Variants in HNRNPM observed in about 807,000 individuals in gnomAD.
HNRNPM encodes heterogeneous nuclear ribonucleoprotein M.
HNRNPM carries 11 observed loss-of-function variants against 73.1 expected under a neutral mutation model. The ratio of observed to expected loss-of-function variants is 0.15; its 90% CI spans 0.09 to 0.25. The LOEUF is 0.25. HNRNPM is among the 10% of genes least tolerant of loss of function. The probability of loss-of-function intolerance (pLI) is 1.00; values close to 1 mark genes in which losing one functional copy is unlikely to be tolerated. For missense variants in HNRNPM, 789 were observed against 1,067.9 expected (o/e 0.74, Z 3.64); for synonymous variants, 407 against 355.2 (o/e 1.15, Z -1.64).
chr19:8,455,700 A>G (rs1599759729), intron 2 of HNRNPM, 126 bp downstream of exon 2: 1 of 640,380 alleles, frequency 1.6e-6, no homozygotes, highest in South Asian at 2.4e-5. Flanking sequence ...CAGGCTTAAG[A>G]GTGAAGCCCC....
Position 8,486,226 on chromosome 19 carries a change from C to T in HNRNPM, c.1798C>T (p.Leu600=). The stretch of plus-strand genomic sequence containing the variant: ...CATGGGCCCTGCCATGGGCCCGGCC[C>T]TGGGCGCTGGCATTGAGCGCATGGG... ...ERMGPAMGPA[L]GAGIERMGLA... is the part of the protein sequence containing the mutation. The change falls in exon 14 of 16, where the codon CTG becomes TTG. Residue 600 remains leucine, a synonymous_variant. Transcript: ENST00000325495. 2 of 1,589,642 alleles carry T rather than the reference C, an allele frequency of 1.3e-6. No individual in the cohort carries two copies. The highest frequency in any genetic ancestry group is 1.7e-6 in the Non-Finnish European group (2 of 1,169,264).
chr19:8,487,995 C>T (rs57390264), intron 15 of HNRNPM: 2,546 of 152,566 alleles, frequency 0.017, 41 homozygotes, highest in African/African-American at 0.036. Flanking sequence ...TCCTCCATCT[C>T]CCTCCTGTCC....
chr19:8,488,845 A>G lies in HNRNPM; in HGVS notation c.2184A>G (p.Arg728=). The G allele has an allele frequency of 6.2e-7, 1 of 1,613,638 alleles. No homozygotes were observed. Among genetic ancestry groups the G allele is most frequent in the Non-Finnish European group, 8.5e-7 (1 of 1,179,628 alleles). ...GAGAGATTGACGTTCGAATTGATAG[A>G]AACGCTTAAGCAGTTGCCTTTTTTA... ...SGREIDVRID[R]NA is the part of the protein sequence containing the mutation. The change falls in exon 16 of 16, where the codon AGA becomes AGG. Residue 728 remains arginine (R), a synonymous_variant. Transcript: ENST00000325495.
At chr19:8,463,037 G>A (rs1253293113) in intron 3 of HNRNPM, among the ~76,000 whole-genome samples, 3 of 152,174 alleles carry the variant, frequency 2.0e-5, no homozygotes, top group Non-Finnish European at 4.4e-5. Context: ...TTAAAAACCT[G>A]AATGTTCAAA....
intron 15 of HNRNPM, 133 bp from the exon 16 acceptor site, chr19:8,488,558 T>C: frequency 1.5e-6 from 1 of 685,996 alleles, no homozygotes; most frequent in African/African-American, 1.8e-5. Flanking sequence ...GAGGGGGCCG[T>C]AGTCATTGGT....
rs780506843 is a variant in HNRNPM at position 8,462,586 on chromosome 19, GTGTC to G, written c.336+8_336+11del. The G allele has an allele frequency of 4.4e-6, 7 of 1,609,042 alleles. No individual in the cohort carries two copies. The highest frequency in any genetic ancestry group is 1.3e-5 in the African/African-American group (1 of 74,984). Reference sequence around the variant, plus strand: ...GACGCTGAAGGAAAGTCAAGGGTAAGTGTCTGAGAGAATTTCTTCTGTGGATTTA... The same window carrying G: ...GACGCTGAAGGAAAGTCAAGGGTAAGTGAGAGAATTTCTTCTGTGGATTTA... On this transcript the variant is annotated splice_donor_region_variant and intron_variant, in intron 3 of 15. Coordinates refer to ENST00000325495, the MANE Select transcript of HNRNPM (RefSeq NM_005968.5). The surrounding 1 kb of genome is among the most constrained non-coding windows in gnomAD (Gnocchi z 4.5).
intron 6 of HNRNPM, 24 bp downstream of exon 6, chr19:8,465,539 A>T (rs751012138): frequency 6.7e-7 from 1 of 1,488,298 alleles, no homozygotes; most frequent in Non-Finnish European, 9.2e-7. Flanking sequence ...ACCATCGTCT[A>T]AAGTAGAAAA....
chr19:8,486,073 G>A lies in HNRNPM; in HGVS notation c.1645G>A (p.Asp549Asn). 1 of 1,606,484 alleles carries A rather than the reference G, an allele frequency of 6.2e-7. No individual in the cohort carries two copies. Among genetic ancestry groups the A allele is most frequent in the Non-Finnish European group, 8.5e-7 (1 of 1,179,580 alleles). ...AGLERMGPVM[D>N]RMATGLERMG... is the part of the protein sequence containing the mutation. Reference sequence around the variant, plus strand: ...CCTGGAGCGCATGGGCCCCGTGATGGATCGCATGGCCACCGGCCTGGAGCG... The same window carrying A: ...CCTGGAGCGCATGGGCCCCGTGATGAATCGCATGGCCACCGGCCTGGAGCG... The change falls in exon 14 of 16, where the codon GAT (aspartate) becomes AAT (asparagine). Residue 549 changes from aspartate (D) to asparagine (N), a missense_variant. Physicochemically the swap from Asp to Asn is conservative, Grantham distance 23. Transcript: ENST00000325495.
rs745671457 is a variant in HNRNPM, at chr19:8,486,157, G to A, written c.1729G>A (p.Glu577Lys). 4 of 1,605,842 alleles carry A rather than the reference G, an allele frequency of 2.5e-6. No homozygotes were observed. The highest frequency in any genetic ancestry group is 1.7e-5 in the Admixed American group (1 of 59,882). The change falls in exon 14 of 16, where the codon GAG (glutamate) becomes AAG (lysine). Residue 577 changes from glutamate to lysine, a missense_variant. Around this residue, in one of 4 missense-constraint regions of HNRNPM, gnomAD observed 604 missense variants for 744.0 expected, o/e 0.81. Coordinates refer to ENST00000325495, the MANE Select transcript of HNRNPM (RefSeq NM_005968.5). ...GLERMGANSL[E>K]RMGLERMGAN... Reference sequence around the variant, plus strand: ...GGAGCGCATGGGCGCCAACAGCCTCGAGCGCATGGGCCTGGAGCGCATGGG... The same window carrying A: ...GGAGCGCATGGGCGCCAACAGCCTCAAGCGCATGGGCCTGGAGCGCATGGG...
At chr19:8,469,289 C>T (rs1368543252) in intron 9 of HNRNPM, among the ~76,000 whole-genome samples, 1 of 152,156 alleles carries the variant, frequency 6.6e-6, no homozygotes, top group East Asian at 1.9e-4. Context: ...AGGAAATGCT[C>T]CGCATAGATA....
intron 12 of HNRNPM, among the ~76,000 whole-genome samples, chr19:8,480,092 TACTG>T (rs1170762268): frequency 7.2e-6 from 1 of 138,474 alleles, no homozygotes; most frequent in Non-Finnish European, 1.6e-5. Flanking sequence ...TTTTAAAACT[TACTG>T]GCCGGGCGCG....
In HNRNPM at chr19:8,457,750, G is replaced by A. The variant is rs142895278; in HGVS notation, c.283+2176G>A. Among the ~76,000 whole-genome samples, 495 of 152,160 alleles carry A rather than the reference G, an allele frequency of 3.3e-3. 1 individual carries two copies. Among genetic ancestry groups the A allele is most frequent in the African/African-American group, 0.011 (456 of 41,508 alleles). On this transcript the variant is annotated intron_variant, in intron 2 of 15. Transcript: ENST00000325495. ...CTTTCAAAAAGACGTTTTTATTCCC[G>A]TTTTGGTGTACAAAAAATGTTTAAG...
rs945093355 is a variant in HNRNPM, at chr19:8,459,562, G to C, written c.284-2967G>C. Among the ~76,000 whole-genome samples the C allele has an allele frequency of 3.3e-5, 5 of 152,078 alleles. No homozygotes were observed. In the South Asian group the frequency reaches 6.2e-4, roughly 19 times the overall value. On this transcript the variant is annotated intron_variant, in intron 2 of 15. Coordinates refer to ENST00000325495, the MANE Select transcript of HNRNPM (RefSeq NM_005968.5). ...GTTTGACAACATGCCTGACTTTCAA[G>C]TCCCCCCAACTCCTGTTAAAAAAAA...
intron 9 of HNRNPM, among the ~76,000 whole-genome samples, chr19:8,469,414 A>G (rs1304462493): frequency 1.3e-5 from 2 of 152,218 alleles, no homozygotes; most frequent in African/African-American, 4.8e-5. Context: ...ATGTTCTGGA[A>G]TTAAATGGTA....
At chr19:8,481,379 C>G (rs151250833) in intron 12 of HNRNPM, 1 of 153,186 alleles carries the variant, frequency 6.5e-6, no homozygotes, top group South Asian at 2.1e-4. Context: ...AGCAGGTGTG[C>G]GCAGATAGAG....
At chr19:8,454,130 T>C (rs553571520) in intron 1 of HNRNPM, among the ~76,000 whole-genome samples, 1 of 152,234 alleles carries the variant, frequency 6.6e-6, no homozygotes, top group Non-Finnish European at 1.5e-5. Context: ...TTTAACCATC[T>C]TAAGTGTGCA....
At chr19:8,469,290 C>T (rs961969356) in intron 9 of HNRNPM, among the ~76,000 whole-genome samples, 2 of 152,106 alleles carry the variant, frequency 1.3e-5, no homozygotes, top group African/African-American at 2.4e-5. Context: ...GGAAATGCTC[C>T]GCATAGATAA....
At position 8,459,384 on chromosome 19, in the gene HNRNPM, T is replaced by C. The variant is rs571883038; in HGVS notation, c.284-3145T>C. Among the ~76,000 whole-genome samples the C allele has an allele frequency of 1.2e-4, 19 of 152,350 alleles. No homozygotes were observed. The South Asian group carries it at 3.7e-3, about 30-fold the overall frequency. On this transcript the variant is annotated intron_variant, in intron 2 of 15. Coordinates refer to ENST00000325495, the MANE Select transcript of HNRNPM (RefSeq NM_005968.5). The stretch of plus-strand genomic sequence containing the variant: ...ATTGAGGAGCGTGGGCTCAGTCATT[T>C]CCTAACATGTCCATAAGCCAAGTAG...
intron 7 of HNRNPM, among the ~76,000 whole-genome samples, chr19:8,466,930 C>T: frequency 6.7e-6 from 1 of 149,248 alleles, no homozygotes; most frequent in Non-Finnish European, 1.5e-5. Context: ...GCCCATGAGT[C>T]TTTCTACTGT....
Sources: allele counts gnomAD v4.1 joint callset (sites outside exome capture counted in the v4.1 genomes callset), GRCh38; gene constraint gnomAD v4.1.1; regional missense constraint gnomAD v4.1.1; non-coding constraint Gnocchi (gnomAD v3.1); transcripts MANE v1.5; gene names NCBI Gene and HGNC (gene_info 2026-07-23, HGNC 2026-07-21).